TENM3: variants seen among roughly 807,000 people sequenced by gnomAD.
TENM3 encodes teneurin transmembrane protein 3, also known as teneurin-3.
A neutral mutation model predicts 255.1 loss-of-function variants in TENM3; 63 were observed. The observed-to-expected ratio is 0.25, with a 90% confidence interval of 0.20 to 0.30. The LOEUF (loss-of-function observed/expected upper bound fraction) is 0.30. Among genes scored for constraint, TENM3 ranks in the 10% least tolerant of loss-of-function variants. The pLI is 1.00. For missense variants in TENM3, 2,929 were observed against 3,461.1 expected (o/e 0.85, Z 3.86); for synonymous variants, 1,306 against 1,322.3 (o/e 0.99, Z 0.27).
intron 5 of TENM3, among the ~76,000 whole-genome samples, chr4:182,631,105 T>G (rs1286442165): frequency 6.6e-6 from 1 of 152,162 alleles, no homozygotes; most frequent in Non-Finnish European, 1.5e-5. Context: ...TACTTTTTAG[T>G]AATTACCAAT....
intron 3 of TENM3, among the ~76,000 whole-genome samples, chr4:182,394,986 T>C (rs1177070982): frequency 3.3e-5 from 5 of 152,178 alleles, no homozygotes; most frequent in Admixed American, 3.3e-4. Flanking sequence ...GTGGCTTCAA[T>C]TGCAGGATTA....
chr4:182,513,321 G>GA (rs895385421), intron 3 of TENM3, among the ~76,000 whole-genome samples: 4 of 152,030 alleles, frequency 2.6e-5, no homozygotes, highest in Non-Finnish European at 5.9e-5. Context: ...TAAAAGCCTG[G>GA]AAAAATTAAA....
chr4:182,641,911 A>C (rs1161131656), intron 5 of TENM3, among the ~76,000 whole-genome samples: 2 of 152,230 alleles, frequency 1.3e-5, no homozygotes, highest in Non-Finnish European at 2.9e-5. Flanking sequence ...GAATAATGAG[A>C]TAGATCTATT....
the TENM3 span, among the ~76,000 whole-genome samples, chr4:182,017,508 G>A: frequency 6.6e-6 from 1 of 152,144 alleles, no homozygotes; most frequent in African/African-American, 2.4e-5. Flanking sequence ...AGGAGTATAT[G>A]ATTTCCAAGA....
At chr4:182,146,597 A>G (rs1227869926) in intron 1 of TENM3, among the ~76,000 whole-genome samples, 1 of 152,166 alleles carries the variant, frequency 6.6e-6, no homozygotes, top group African/African-American at 2.4e-5. Flanking sequence ...GTAAACAAAT[A>G]TATCTTATGT....
chr4:182,108,558 G>A, the TENM3 span, among the ~76,000 whole-genome samples: 4 of 152,244 alleles, frequency 2.6e-5, no homozygotes, highest in South Asian at 8.3e-4. Flanking sequence ...ATTTTGCTCA[G>A]TCCTAGGAAT....
At chr4:182,104,981 A>G in the TENM3 span, among the ~76,000 whole-genome samples, 421 of 152,234 alleles carry the variant, frequency 2.8e-3, 12 homozygotes, top group East Asian at 0.048. Context: ...GAAGGTGGAG[A>G]CAGGAGAATC....
At chr4:181,702,136 A>G in the TENM3 span, among the ~76,000 whole-genome samples, 1 of 152,212 alleles carries the variant, frequency 6.6e-6, no homozygotes, top group Non-Finnish European at 1.5e-5. Flanking sequence ...TTGTGACGGC[A>G]AATAGAAGTG....
rs1340582647 is a variant in TENM3 at position 182,801,167 on chromosome 4, ATC to A, written c.*818_*819del. 5 of 152,638 alleles carry A rather than the reference ATC, an allele frequency of 3.3e-5. No homozygotes were observed. The highest frequency in any genetic ancestry group is 2.1e-4 in the South Asian group (1 of 4,832). The allele number at this position is 152,638 out of a possible 1,614,324, so 9.5% of individuals were successfully genotyped here. ...TTTTAAAAGGATTGCACCTTTTGTT[ATC>A]TGTTATAGCTGTACAGTATGAATTA... is the stretch of plus-strand genomic sequence containing the variant. On this transcript the variant is annotated 3_prime_UTR_variant, in exon 28 of 28. Transcript: ENST00000511685.
chr4:181,582,691 GAAAGA>G, the TENM3 span, among the ~76,000 whole-genome samples: 129 of 142,270 alleles, frequency 9.1e-4, 1 homozygote, highest in African/African-American at 3.4e-3. Context: ...AAAAAAGAAA[GAAAGA>G]AAAGAAAAGA....
chr4:182,153,592 T>G (rs1561143042), intron 1 of TENM3, among the ~76,000 whole-genome samples: 1 of 152,146 alleles, frequency 6.6e-6, no homozygotes, highest in East Asian at 1.9e-4. Flanking sequence ...CTAGTTCTAG[T>G]TCAGCTCCAC....
the TENM3 span, among the ~76,000 whole-genome samples, chr4:181,745,476 G>T: frequency 5.9e-5 from 9 of 152,298 alleles, no homozygotes; most frequent in Non-Finnish European, 1.2e-4. Flanking sequence ...TGTTAGGAAT[G>T]ATTCCATTGA....
the TENM3 span, among the ~76,000 whole-genome samples, chr4:182,053,619 T>G: frequency 6.6e-6 from 1 of 152,124 alleles, no homozygotes; most frequent in Non-Finnish European, 1.5e-5. Flanking sequence ...TTTGCCTGAG[T>G]CCTTTGCAGC....
chr4:182,738,917 A>C (rs1443856584), intron 18 of TENM3, among the ~76,000 whole-genome samples: 1 of 148,234 alleles, frequency 6.7e-6, no homozygotes, highest in African/African-American at 2.5e-5. Context: ...TACTTTAGAA[A>C]GGTTTACCAA....
At chr4:182,195,512 C>A (rs112289275) in intron 1 of TENM3, among the ~76,000 whole-genome samples, 43 of 152,138 alleles carry the variant, frequency 2.8e-4, no homozygotes, top group African/African-American at 1.0e-3. Flanking sequence ...TGGTGGTGCA[C>A]GCCTGTGGTC....
chr4:181,544,429 A>C, the TENM3 span, among the ~76,000 whole-genome samples: 2 of 146,158 alleles, frequency 1.4e-5, no homozygotes, highest in South Asian at 2.1e-4. Flanking sequence ...AAAAAAAAAA[A>C]AAAAAAACTA....
the TENM3 span, among the ~76,000 whole-genome samples, chr4:181,888,527 C>T: frequency 0.28 from 17,192 of 61,052 alleles, 2,779 homozygotes; most frequent in Middle Eastern, 0.33. Context: ...TATATATATA[C>T]ATATATGTGT....
intron 3 of TENM3, among the ~76,000 whole-genome samples, chr4:182,468,259 A>G (rs764846454): frequency 2.8e-4 from 42 of 152,262 alleles, no homozygotes; most frequent in Middle Eastern, 3.4e-3. Context: ...ATTACATAAC[A>G]AAAGTTACTT....
chr4:182,513,729 C>A (rs1354953059), intron 3 of TENM3, among the ~76,000 whole-genome samples: 1 of 152,072 alleles, frequency 6.6e-6, no homozygotes, highest in Non-Finnish European at 1.5e-5. Flanking sequence ...GAGGGACTGC[C>A]CCTCCTAGTG....
Sources: allele counts gnomAD v4.1 joint callset (sites outside exome capture counted in the v4.1 genomes callset), GRCh38; gene constraint gnomAD v4.1.1; transcripts MANE v1.5; gene names NCBI Gene and HGNC (gene_info 2026-07-23, HGNC 2026-07-21).